Variants in ABHD12B observed in about 807,000 individuals in gnomAD.
ABHD12B encodes protein ABHD12B.
A neutral mutation model predicts 50.4 loss-of-function variants in ABHD12B; 42 were observed. The ratio of observed to expected loss-of-function variants is 0.83; its 90% CI spans 0.65 to 1.08. The LOEUF is 1.08. ABHD12B is among the 50% of genes least tolerant of loss of function. The pLI, the probability that ABHD12B is intolerant of heterozygous loss-of-function variation, is 0.00. For missense variants in ABHD12B, 479 were observed against 447.7 expected (o/e 1.07, Z -0.63); for synonymous variants, 167 against 160.3 (o/e 1.04, Z -0.32).
At chr14:50,890,922 A>G (rs1242005370) in intron 9 of ABHD12B, among the ~76,000 whole-genome samples, 3 of 152,166 alleles carry the variant, frequency 2.0e-5, no homozygotes, top group Non-Finnish European at 4.4e-5. Flanking sequence ...TTACTCTCTC[A>G]CCAATCCTGT....
chr14:50,884,572 A>T (rs374640290), intron 5 of ABHD12B, among the ~76,000 whole-genome samples: 49 of 152,340 alleles, frequency 3.2e-4, no homozygotes, highest in African/African-American at 1.1e-3. Context: ...GGCTCAGTTT[A>T]TCCGTAAAAT....
At chr14:50,888,208 C>CT (rs11452625) in intron 8 of ABHD12B, among the ~76,000 whole-genome samples, 116,326 of 142,248 alleles carry the variant, frequency 0.82, 48,563 homozygotes, top group South Asian at 0.96. Context: ...TGCTTTCTTT[C>CT]TTTTTTTTTT....
rs745449820 is a variant in ABHD12B at position 50,880,497 on chromosome 14, C to T, written c.381C>T (p.Asp127=). 8.7e-6 allele frequency: 14 copies of T among 1,611,782 alleles called. No individual in the cohort carries two copies. The East Asian group carries it at 3.1e-4, about 36-fold the overall frequency. ...GGGGGGAAGATGCCAAGGGGAAGGA[C>T]TGTTGCTGGTATGAAGCAGCCCTTC... ...SCRGEDAKGK[D]CCWYEAALRD... Residue 127 remains aspartate (D), a synonymous_variant, in exon 4 of 13, where the codon GAC becomes GAT. Transcript: ENST00000337334.
At chr14:50,900,754 G>A (rs1366549845) in intron 9 of ABHD12B, among the ~76,000 whole-genome samples, 1 of 152,208 alleles carries the variant, frequency 6.6e-6, no homozygotes, top group Non-Finnish European at 1.5e-5. Flanking sequence ...GAAGGCAGCA[G>A]AGCCAGGAGG....
In ABHD12B at chr14:50,903,939, G is replaced by A. The variant is rs1566496677; in HGVS notation, c.943-135G>A. 5.7e-6 allele frequency: 4 copies of A among 703,206 alleles called. No individual in the cohort carries two copies. The East Asian group carries it at 1.0e-4, about 18-fold the overall frequency. 43.6% of individuals were successfully genotyped at this position (703,206 alleles called of 1,614,324 possible). On this transcript the variant is annotated intron_variant, in intron 11 of 12. Transcript: ENST00000337334. Reference sequence around the variant, plus strand: ...CTGTAGAGACAGGCAACTGGGACATGGAGAGTTTTCTGTCTCTGACTTAAT... The same window carrying A: ...CTGTAGAGACAGGCAACTGGGACATAGAGAGTTTTCTGTCTCTGACTTAAT...
chr14:50,899,970 G>C (rs1035227528), intron 9 of ABHD12B, among the ~76,000 whole-genome samples: 3 of 151,956 alleles, frequency 2.0e-5, no homozygotes, highest in African/African-American at 7.3e-5. Context: ...AGGCACTGTG[G>C]CTCATGCCTG....
intron 11 of ABHD12B, 80 bp from the exon 12 acceptor site, chr14:50,903,994 G>C: frequency 8.5e-7 from 1 of 1,172,698 alleles, no homozygotes; most frequent in Non-Finnish European, 1.2e-6. Flanking sequence ...AGCTGTTTCT[G>C]TACACTTTTA....
In ABHD12B at chr14:50,904,208, C is replaced by A. The variant is rs1422070102; in HGVS notation, c.1061+16C>A. On this transcript the variant is annotated intron_variant, in intron 12 of 12. Coordinates refer to ENST00000337334, the MANE Select transcript of ABHD12B (RefSeq NM_001206673.2). ...TAACCGTGAGGTAAGAGTTGCTTTG[C>A]TAAATGTATGTTGCCCTTCAAGGCA... 1 of 1,613,642 alleles carries A rather than the reference C, an allele frequency of 6.2e-7. No homozygotes were observed. Among genetic ancestry groups the A allele is most frequent in the Admixed American group, 1.7e-5 (1 of 60,030 alleles).
intron 9 of ABHD12B, among the ~76,000 whole-genome samples, chr14:50,890,683 A>G (rs8021013): frequency 0.96 from 145,987 of 152,188 alleles, 70,296 homozygotes; most frequent in Middle Eastern, 1. Context: ...CATTGTATGT[A>G]CATACCAAAA....
At chr14:50,888,211 T>TC (rs1470998182) in intron 8 of ABHD12B, among the ~76,000 whole-genome samples, 195 of 150,576 alleles carry the variant, frequency 1.3e-3, no homozygotes, top group African/African-American at 3.1e-3. Flanking sequence ...TTTCTTTCTT[T>TC]TTTTTTTTTT....
At chr14:50,873,879 C>T (rs1280945417) in intron 1 of ABHD12B, among the ~76,000 whole-genome samples, 4 of 152,138 alleles carry the variant, frequency 2.6e-5, no homozygotes, top group Non-Finnish European at 4.4e-5. Context: ...AGTTGGGGAC[C>T]ATCTATTACT....
chr14:50,881,478 A>G, intron 4 of ABHD12B, 118 bp from the exon 5 acceptor site: 1 of 1,089,712 alleles, frequency 9.2e-7, no homozygotes, highest in Non-Finnish European at 1.3e-6. Context: ...TATTCCTCCA[A>G]CCTGAAAGAG....
intron 9 of ABHD12B, among the ~76,000 whole-genome samples, chr14:50,899,439 C>T (rs2050237171): frequency 6.6e-6 from 1 of 152,204 alleles, no homozygotes; most frequent in African/African-American, 2.4e-5. Flanking sequence ...AGACTATTAA[C>T]AAATGACATT....
At chr14:50,892,023 G>A (rs1201272279) in intron 9 of ABHD12B, 2 of 151,984 alleles carry the variant, frequency 1.3e-5, no homozygotes, top group African/African-American at 2.4e-5. Context: ...TTTGCATTTC[G>A]GTATACATTT....
At chr14:50,899,149 GCCA>G (rs1213835545) in intron 9 of ABHD12B, among the ~76,000 whole-genome samples, 1 of 152,188 alleles carries the variant, frequency 6.6e-6, no homozygotes, top group East Asian at 1.9e-4. Flanking sequence ...CCGAGATCGT[GCCA>G]CTGCACTCCA....
chr14:50,900,353 T>G (rs968036614), intron 9 of ABHD12B, among the ~76,000 whole-genome samples: 2 of 152,260 alleles, frequency 1.3e-5, no homozygotes, highest in Admixed American at 6.5e-5. Context: ...AGACTCATTT[T>G]GTCTTTAGCA....
At chr14:50,894,509 C>G (rs889817656) in intron 9 of ABHD12B, among the ~76,000 whole-genome samples, 2 of 152,104 alleles carry the variant, frequency 1.3e-5, no homozygotes, top group African/African-American at 4.8e-5. Context: ...CTTAAAACCT[C>G]TTCAACTCAC....
In ABHD12B at chr14:50,872,167, G is replaced by T. The variant is rs1259882398; in HGVS notation, c.-8G>T. 7.7e-7 allele frequency: 1 copy of T among 1,305,582 alleles called. No homozygotes were observed. Among genetic ancestry groups the T allele is most frequent in the Non-Finnish European group, 9.7e-7 (1 of 1,026,458 alleles). 80.9% of individuals were successfully genotyped at this position (1,305,582 alleles called of 1,614,324 possible). A position where few individuals can be genotyped will look rare whatever the true frequency, so the allele number is the denominator to read the frequency against. ...CGGCGGTGGCGGCGTATCGGGACACGGCGCGGGATGGACGCGCAGGACTGC... is the reference window on the plus strand; with the variant it reads ...CGGCGGTGGCGGCGTATCGGGACACTGCGCGGGATGGACGCGCAGGACTGC... On this transcript the variant is annotated 5_prime_UTR_variant, in exon 1 of 13. Coordinates refer to ENST00000337334, the MANE Select transcript of ABHD12B (RefSeq NM_001206673.2).
At chr14:50,878,533 C>T (rs2049894180) in intron 2 of ABHD12B, among the ~76,000 whole-genome samples, 1 of 152,180 alleles carries the variant, frequency 6.6e-6, no homozygotes, top group African/African-American at 2.4e-5. Context: ...GACACTGATG[C>T]TATTTTAAAA....
Sources: gnomAD v4.1 joint callset for allele counts (sites outside exome capture counted in the v4.1 genomes callset) on GRCh38, gnomAD v4.1.1 for gene constraint, MANE v1.5 for transcripts, NCBI Gene and HGNC (gene_info 2026-07-23, HGNC 2026-07-21) for gene names.